The following SSBP3 variants were observed in gnomAD, a reference collection of about 807,000 sequenced individuals.
SSBP3 encodes the protein single-stranded DNA-binding protein 3.
In SSBP3, 5 loss-of-function variants were observed where a neutral mutation model predicts 69.6. The observed-to-expected ratio is 0.07, with a 90% CI of 0.04 to 0.15. SSBP3 has a LOEUF of 0.15. Ranked by LOEUF, SSBP3 falls within the 10% of genes least tolerant of loss-of-function variation. The pLI, the probability that SSBP3 is intolerant of heterozygous loss-of-function variation, is 1.00. For synonymous variants in SSBP3, 196 were observed against 193.4 expected (o/e 1.01, Z -0.11); for missense variants, 312 against 534.0 (o/e 0.58, Z 4.10).
chr1:54,299,442 C>T (rs568186364), intron 4 of SSBP3, among the ~76,000 whole-genome samples: 1 of 152,092 alleles, frequency 6.6e-6, no homozygotes, highest in Admixed American at 6.5e-5. Flanking sequence ...CAGACATGCC[C>T]AGAACCTGGC....
chr1:54,235,384 C>T (rs1441512803), intron 14 of SSBP3, among the ~76,000 whole-genome samples: 3 of 148,060 alleles, frequency 2.0e-5, no homozygotes, highest in Non-Finnish European at 4.4e-5. Context: ...CAGGTTCAAG[C>T]GATTCTCCTG....
chr1:54,258,251 G>A lies in SSBP3; in HGVS notation c.367-102C>T, dbSNP rs905747870. On this transcript the variant is annotated intron_variant, in intron 5 of 17. Transcript: ENST00000610401. The surrounding 1 kb of genome is among the most constrained non-coding windows in gnomAD (Gnocchi z 4.5). ...AATTAAACCAAAACGAAGGGTGGGC[G>A]GCGGGCGTGCGGGGGGGTGGGCTCT... The A allele has an allele frequency of 4.3e-5, 43 of 990,560 alleles. 1 individual carries two copies. Among genetic ancestry groups the A allele is most frequent in the South Asian group, 3.7e-4 (16 of 43,150 alleles). The allele number at this position is 990,560 out of a possible 1,614,324, so 61.4% of individuals were successfully genotyped here.
At chr1:54,236,422 ATG>A (rs1644496661) in intron 14 of SSBP3, 1 of 152,074 alleles carries the variant, frequency 6.6e-6, no homozygotes, top group Non-Finnish European at 1.5e-5. Context: ...CGCCCAGCCT[ATG>A]TATTTTTTAT....
At chr1:54,318,245 C>CA (rs1646149395) in intron 4 of SSBP3, among the ~76,000 whole-genome samples, 1 of 152,032 alleles carries the variant, frequency 6.6e-6, no homozygotes. Flanking sequence ...CAATACCCTC[C>CA]AAAAAACCAA....
chr1:54,258,193 T>C lies in SSBP3; in HGVS notation c.367-44A>G, dbSNP rs373686628. Reference sequence around the variant, plus strand: ...GAGGCAGGTTATAGATCACAGCACATGGAGAAGCGCAGAAGCAGCTTAAAA... The same window carrying C: ...GAGGCAGGTTATAGATCACAGCACACGGAGAAGCGCAGAAGCAGCTTAAAA... On this transcript the variant is annotated intron_variant, in intron 5 of 17. Transcript: ENST00000610401. The surrounding 1 kb of genome is among the most constrained non-coding windows in gnomAD (Gnocchi z 4.5). The C allele has an allele frequency of 6.3e-6, 9 of 1,422,688 alleles. No individual in the cohort carries two copies. The highest frequency in any genetic ancestry group is 6.1e-5 in the African/African-American group (4 of 65,684). 88.1% of individuals were successfully genotyped at this position (1,422,688 alleles called of 1,614,324 possible). A position where few individuals can be genotyped will look rare whatever the true frequency, so the allele number is the denominator to read the frequency against.
upstream of SSBP3, among the ~76,000 whole-genome samples, chr1:54,410,896 G>A (rs983501930): frequency 6.6e-5 from 10 of 152,194 alleles, no homozygotes; most frequent in African/African-American, 2.2e-4. Context: ...GGTGTTTGGG[G>A]GCTCAGGGGA....
At chr1:54,395,418 C>G (rs1012341724) in intron 4 of SSBP3, among the ~76,000 whole-genome samples, 4 of 152,226 alleles carry the variant, frequency 2.6e-5, no homozygotes, top group African/African-American at 9.6e-5. Context: ...TTTAGCCATG[C>G]AGTGGCCATA....
At chr1:54,399,275 G>C (rs1043600323) in intron 4 of SSBP3, among the ~76,000 whole-genome samples, 1 of 152,222 alleles carries the variant, frequency 6.6e-6, no homozygotes, top group African/African-American at 2.4e-5. Flanking sequence ...ACTTGCCATG[G>C]GCCTGCAGGG....
At chr1:54,363,653 T>C (rs1449942678) in intron 4 of SSBP3, among the ~76,000 whole-genome samples, 1 of 152,170 alleles carries the variant, frequency 6.6e-6, no homozygotes, top group Non-Finnish European at 1.5e-5. Context: ...ATCATTTTTT[T>C]AATGTAAAAA....
At chr1:54,338,009 G>A (rs1387118200) in intron 4 of SSBP3, among the ~76,000 whole-genome samples, 5 of 152,090 alleles carry the variant, frequency 3.3e-5, no homozygotes, top group African/African-American at 1.2e-4. Context: ...AAAGTCCCAG[G>A]CCGACTGAGA....
Position 54,258,548 on chromosome 1 carries a change from C to T in SSBP3, c.367-399G>A, listed in dbSNP as rs190804601. On this transcript the variant is annotated intron_variant, in intron 5 of 17. Coordinates refer to ENST00000610401, the Ensembl canonical transcript of SSBP3. The surrounding 1 kb of genome is among the most constrained non-coding windows in gnomAD (Gnocchi z 4.5). Reference sequence around the variant, plus strand: ...ACCCAGGTGCAAAGCACGTAGGTGCCGCTTGCACGGGAGGTGGGGAAAGAT... The same window carrying T: ...ACCCAGGTGCAAAGCACGTAGGTGCTGCTTGCACGGGAGGTGGGGAAAGAT... Among the ~76,000 whole-genome samples, 3 of 152,270 alleles carry T rather than the reference C, an allele frequency of 2.0e-5. No homozygotes were observed. The highest frequency in any genetic ancestry group is 2.1e-4 in the South Asian group (1 of 4,826).
At chr1:54,300,310 C>T (rs1014022277) in intron 4 of SSBP3, among the ~76,000 whole-genome samples, 1 of 152,116 alleles carries the variant, frequency 6.6e-6, no homozygotes, top group African/African-American at 2.4e-5. Flanking sequence ...AAGAGCTGGC[C>T]TGGGGTCTCA....
chr1:54,331,715 C>CT (rs1646413624), intron 4 of SSBP3, among the ~76,000 whole-genome samples: 1 of 152,226 alleles, frequency 6.6e-6, no homozygotes, highest in Non-Finnish European at 1.5e-5. Flanking sequence ...CCTGGATGGT[C>CT]ACCAAAAAGG....
At chr1:54,240,380 C>T (rs1209821986) in intron 13 of SSBP3, among the ~76,000 whole-genome samples, 1 of 147,476 alleles carries the variant, frequency 6.8e-6, no homozygotes, top group East Asian at 2.0e-4. Flanking sequence ...ATCGCTTGAG[C>T]CTGGGAGGTG....
At chr1:54,299,706 T>C (rs1458460734) in intron 4 of SSBP3, among the ~76,000 whole-genome samples, 1 of 152,216 alleles carries the variant, frequency 6.6e-6, no homozygotes, top group African/African-American at 2.4e-5. Context: ...CTTCTCCATC[T>C]GCCATCTAGA....
At chr1:54,373,358 C>A (rs772292244) in intron 4 of SSBP3, among the ~76,000 whole-genome samples, 15 of 152,150 alleles carry the variant, frequency 9.9e-5, no homozygotes, top group Admixed American at 2.6e-4. Flanking sequence ...CGAGTGCCAC[C>A]CTTCATGATT....
At chr1:54,273,575 G>A (rs1645233055) in intron 5 of SSBP3, among the ~76,000 whole-genome samples, 1 of 152,146 alleles carries the variant, frequency 6.6e-6, no homozygotes, top group Admixed American at 6.5e-5. Flanking sequence ...GTGTTGGCAA[G>A]CAAAAAAAGG....
At chr1:54,405,289 G>T (rs1007419248) in intron 1 of SSBP3, among the ~76,000 whole-genome samples, 1 of 152,146 alleles carries the variant, frequency 6.6e-6, no homozygotes, top group Non-Finnish European at 1.5e-5. Flanking sequence ...AGCTTTGGAG[G>T]TCCGAGGAGA....
intron 4 of SSBP3, among the ~76,000 whole-genome samples, chr1:54,346,292 T>G (rs1646689368): frequency 6.7e-6 from 1 of 149,264 alleles, no homozygotes. Flanking sequence ...GCCACTGCAC[T>G]CCAGCCTGGG....
Sources: allele counts gnomAD v4.1 joint callset (sites outside exome capture counted in the v4.1 genomes callset), GRCh38; gene constraint gnomAD v4.1.1; non-coding constraint Gnocchi (gnomAD v3.1); transcripts MANE v1.5; gene names NCBI Gene and HGNC (gene_info 2026-07-23, HGNC 2026-07-21).